PRKCA: variants seen among roughly 807,000 people sequenced by gnomAD.
PRKCA encodes the protein protein kinase C alpha.
A neutral mutation model predicts 87.0 loss-of-function variants in PRKCA; 27 were observed. The observed-to-expected ratio is 0.31, with a 90% CI of 0.23 to 0.43. The LOEUF is 0.43. PRKCA is among the 20% of genes least tolerant of loss of function. The probability of loss-of-function intolerance (pLI) is 1.00; values close to 1 mark genes in which losing one functional copy is unlikely to be tolerated. For synonymous variants in PRKCA, 329 were observed against 311.1 expected, an observed-to-expected ratio of 1.06 and a Z score of -0.61; for missense variants, 518 against 852.3, an observed-to-expected ratio of 0.61 and a Z score of 4.88.
At chr17:66,773,514 T>A (rs1233322989) in intron 13 of PRKCA, among the ~76,000 whole-genome samples, 11 of 143,670 alleles carry the variant, frequency 7.7e-5, no homozygotes, top group Non-Finnish European at 1.1e-4. Context: ...TTTTTTTTTT[T>A]AATTAAAAAA....
chr17:66,718,163 TTC>T (rs1458256096), intron 8 of PRKCA, among the ~76,000 whole-genome samples: 2 of 151,018 alleles, frequency 1.3e-5, no homozygotes, highest in Non-Finnish European at 3.0e-5. Flanking sequence ...CTGCATATGT[TTC>T]TCTCTCTTAG....
chr17:66,512,573 A>G (rs745328776), intron 3 of PRKCA, among the ~76,000 whole-genome samples: 17 of 151,870 alleles, frequency 1.1e-4, no homozygotes, highest in Non-Finnish European at 2.2e-4. Flanking sequence ...GAACATCCCA[A>G]GCTCATTGGC....
intron 8 of PRKCA, among the ~76,000 whole-genome samples, chr17:66,706,092 C>T (rs1462470481): frequency 6.6e-6 from 1 of 152,140 alleles, no homozygotes; most frequent in East Asian, 1.9e-4. Context: ...CCAGCCCAGC[C>T]TCTGACCCAG....
chr17:66,420,258 C>G (rs373882438), intron 2 of PRKCA, among the ~76,000 whole-genome samples: 5 of 152,060 alleles, frequency 3.3e-5, no homozygotes, highest in African/African-American at 1.2e-4. Context: ...ATCCACCTGC[C>G]TTGGCCTCCC....
chr17:66,808,389 T>C lies in PRKCA; in HGVS notation c.*4352T>C, dbSNP rs1976088242. The C allele has an allele frequency of 6.6e-6, 1 of 151,908 alleles. No individual in the cohort carries two copies. The highest frequency in any genetic ancestry group is 6.6e-5 in the Admixed American group (1 of 15,206). 9.4% of individuals were successfully genotyped at this position (151,908 alleles called of 1,614,324 possible). ...AAGAGAAAAAGTGACAATCTTGTAT[T>C]TTTAAAAGCCTCGGAAAGGTGATAC... On this transcript the variant is annotated 3_prime_UTR_variant, in exon 17 of 17. Transcript: ENST00000413366.
At chr17:66,545,229 C>A (rs1005469055) in intron 3 of PRKCA, among the ~76,000 whole-genome samples, 2 of 152,110 alleles carry the variant, frequency 1.3e-5, no homozygotes, top group African/African-American at 2.4e-5. Flanking sequence ...GAGATCGAGA[C>A]CATCCTGGCT....
At chr17:66,629,511 G>A (rs1290424948) in intron 3 of PRKCA, among the ~76,000 whole-genome samples, 4 of 152,150 alleles carry the variant, frequency 2.6e-5, no homozygotes, top group Admixed American at 1.3e-4. Context: ...TCTCTGATTT[G>A]TTCTCAGTCG....
chr17:66,543,253 C>T (rs1349207312), intron 3 of PRKCA, among the ~76,000 whole-genome samples: 2 of 152,174 alleles, frequency 1.3e-5, no homozygotes, highest in South Asian at 2.1e-4. Context: ...CATTATAGTT[C>T]AAGTATATTT....
intron 3 of PRKCA, among the ~76,000 whole-genome samples, chr17:66,595,960 G>A (rs1348102980): frequency 3.9e-5 from 6 of 152,152 alleles, no homozygotes; most frequent in Non-Finnish European, 7.4e-5. Context: ...CCCATTTTTC[G>A]CAGTTGGAAA....
intron 3 of PRKCA, among the ~76,000 whole-genome samples, chr17:66,524,728 G>T (rs1468096344): frequency 6.6e-6 from 1 of 152,168 alleles, no homozygotes; most frequent in African/African-American, 2.4e-5. Context: ...TTAGGTTACA[G>T]TGCCATTGGC....
At chr17:66,781,944 T>C (rs1047933291) in intron 14 of PRKCA, among the ~76,000 whole-genome samples, 2 of 148,862 alleles carry the variant, frequency 1.3e-5, no homozygotes, top group African/African-American at 5.0e-5. Context: ...GACAGAGTCT[T>C]GCTCTGTTGC....
chr17:66,338,007 C>T (rs185131931), intron 2 of PRKCA, among the ~76,000 whole-genome samples: 2 of 151,044 alleles, frequency 1.3e-5, no homozygotes, highest in East Asian at 1.9e-4. Context: ...TCTTCCCCCC[C>T]CTCCGCCCCC....
Position 66,462,925 on chromosome 17 carries a change from AACACACACAC to A in PRKCA, c.206-33244_206-33235del, listed in dbSNP as rs58085398. Among the ~76,000 whole-genome samples the A allele has an allele frequency of 8.8e-3, 1,299 of 147,650 alleles. 20 individuals carry two copies. The highest frequency in any genetic ancestry group is 0.03 in the African/African-American group (1,221 of 40,516). ...ACACACATGCACGTGCACACATGCAAACACACACACACACACACACACACACACACACACA... is the reference window on the plus strand; with the variant it reads ...ACACACATGCACGTGCACACATGCAAACACACACACACACACACACACACA... On this transcript the variant is annotated intron_variant, in intron 2 of 16. Coordinates refer to ENST00000413366, the MANE Select transcript of PRKCA (RefSeq NM_002737.3).
At chr17:66,382,404 G>A (rs1019853932) in intron 2 of PRKCA, among the ~76,000 whole-genome samples, 2 of 152,118 alleles carry the variant, frequency 1.3e-5, no homozygotes, top group Non-Finnish European at 2.9e-5. Flanking sequence ...AGGCTTAAGC[G>A]ATTCTCCTGC....
intron 5 of PRKCA, among the ~76,000 whole-genome samples, chr17:66,678,846 C>T (rs966984055): frequency 8.6e-5 from 13 of 151,934 alleles, no homozygotes; most frequent in African/African-American, 1.2e-4. Flanking sequence ...ATCTCTACAT[C>T]GGTGCAGATT....
intron 13 of PRKCA, among the ~76,000 whole-genome samples, chr17:66,761,336 C>T (rs1239666075): frequency 6.7e-6 from 1 of 149,166 alleles, no homozygotes; most frequent in East Asian, 2.0e-4. Flanking sequence ...CGCCACTGCA[C>T]TCCAGCCTGG....
chr17:66,738,314 C>T (rs962114336), intron 10 of PRKCA, among the ~76,000 whole-genome samples: 8 of 152,208 alleles, frequency 5.3e-5, no homozygotes, highest in Non-Finnish European at 1.2e-4. Context: ...CATTTAAACA[C>T]GATACTACAT....
chr17:66,552,460 T>C (rs1968366577), intron 3 of PRKCA, among the ~76,000 whole-genome samples: 1 of 152,186 alleles, frequency 6.6e-6, no homozygotes, highest in African/African-American at 2.4e-5. Flanking sequence ...AGCCCAGAAG[T>C]CTAATCATCT....
At chr17:66,737,466 C>A (rs1598907784) in intron 10 of PRKCA, among the ~76,000 whole-genome samples, 1 of 152,252 alleles carries the variant, frequency 6.6e-6, no homozygotes, top group Admixed American at 6.5e-5. Context: ...AAATATGACT[C>A]CATAATCAGT....
Sources: gnomAD v4.1 joint callset for allele counts (sites outside exome capture counted in the v4.1 genomes callset) on GRCh38, gnomAD v4.1.1 for gene constraint, MANE v1.5 for transcripts, NCBI Gene and HGNC (gene_info 2026-07-23, HGNC 2026-07-21) for gene names.